CACNA2D3: variants seen among roughly 807,000 people sequenced by gnomAD.
The protein encoded by CACNA2D3 is calcium voltage-gated channel auxiliary subunit alpha2delta 3.
Under a neutral mutation model 160.6 loss-of-function variants are expected in CACNA2D3, and 60 were observed. The observed-to-expected ratio is 0.37, with a 90% CI of 0.30 to 0.46. The LOEUF (loss-of-function observed/expected upper bound fraction) is 0.46, where lower values mean the gene tolerates loss of function less well. Among genes scored for constraint, CACNA2D3 ranks in the 20% least tolerant of loss-of-function variants. CACNA2D3 has a pLI of 1.00. For missense variants in CACNA2D3, 1,205 were observed against 1,365.0 expected (o/e 0.88, Z 1.85); for synonymous variants, 558 against 492.9 (o/e 1.13, Z -1.75).
At chr3:54,855,547 AAGAAAGAG>A (rs772719554) in intron 17 of CACNA2D3, among the ~76,000 whole-genome samples, 13 of 152,190 alleles carry the variant, frequency 8.5e-5, no homozygotes, top group Non-Finnish European at 1.8e-4. Context: ...TCTGCCAGGA[AAGAAAGAG>A]AGAAAGAAGA....
At chr3:54,131,084 A>C (rs1436647504) in intron 2 of CACNA2D3, among the ~76,000 whole-genome samples, 1 of 152,272 alleles carries the variant, frequency 6.6e-6, no homozygotes, top group Non-Finnish European at 1.5e-5. Context: ...TGTTGTTGTC[A>C]TTCCTAGTTG....
rs1017855610 is a variant in CACNA2D3, at chr3:54,682,388, A to T, written c.1167+40147A>T. Among the ~76,000 whole-genome samples the T allele has an allele frequency of 7.2e-5, 11 of 152,172 alleles. No homozygotes were observed. The South Asian group carries it at 1.0e-3, about 14-fold the overall frequency. On this transcript the variant is annotated intron_variant, in intron 11 of 37. Coordinates refer to ENST00000474759, the MANE Select transcript of CACNA2D3 (RefSeq NM_018398.3). ...ACGCCTGTAATCCCAGCACTTTGGG[A>T]GGTCAAGGCGAGTGGATCATTTGAG... is the stretch of plus-strand genomic sequence containing the variant.
At chr3:54,960,550 T>C (rs996882313) in intron 27 of CACNA2D3, among the ~76,000 whole-genome samples, 1 of 152,214 alleles carries the variant, frequency 6.6e-6, no homozygotes, top group African/African-American at 2.4e-5. Flanking sequence ...TTTACCAAGA[T>C]TATAACAAAT....
At chr3:54,783,572 C>G (rs553803629) in intron 13 of CACNA2D3, among the ~76,000 whole-genome samples, 3 of 152,104 alleles carry the variant, frequency 2.0e-5, no homozygotes, top group East Asian at 1.9e-4. Flanking sequence ...TGCCACTGCA[C>G]TCCAGCCTGG....
chr3:54,747,263 T>C (rs1161885522), intron 11 of CACNA2D3, among the ~76,000 whole-genome samples: 1 of 152,080 alleles, frequency 6.6e-6, no homozygotes, highest in Non-Finnish European at 1.5e-5. Flanking sequence ...GACTCCACCT[T>C]CAACATGTGA....
intron 11 of CACNA2D3, among the ~76,000 whole-genome samples, chr3:54,721,049 T>G (rs1052563802): frequency 6.7e-6 from 1 of 150,162 alleles, no homozygotes; most frequent in Non-Finnish European, 1.5e-5. Context: ...TGTCATCTAT[T>G]AGCTTGTTAG....
At chr3:54,193,989 A>C (rs367800993) in intron 2 of CACNA2D3, among the ~76,000 whole-genome samples, 2 of 152,196 alleles carry the variant, frequency 1.3e-5, no homozygotes, top group East Asian at 3.9e-4. Flanking sequence ...CAAATGTTGC[A>C]TGTTCTCAGT....
intron 11 of CACNA2D3, among the ~76,000 whole-genome samples, chr3:54,686,232 T>C (rs2106923083): frequency 6.6e-6 from 1 of 152,298 alleles, no homozygotes; most frequent in Non-Finnish European, 1.5e-5. Flanking sequence ...TGTGGCTGCT[T>C]TTTCACTATG....
At chr3:54,299,434 A>C (rs147612150) in intron 2 of CACNA2D3, among the ~76,000 whole-genome samples, 426 of 152,308 alleles carry the variant, frequency 2.8e-3, no homozygotes, top group African/African-American at 9.9e-3. Context: ...AAACATTTTC[A>C]AAGTTAATTT....
At chr3:54,803,003 T>C (rs1454253114) in intron 13 of CACNA2D3, among the ~76,000 whole-genome samples, 1 of 152,158 alleles carries the variant, frequency 6.6e-6, no homozygotes, top group Non-Finnish European at 1.5e-5. Context: ...GAGGGTCCTG[T>C]CTGGTAGAAG....
intron 13 of CACNA2D3, among the ~76,000 whole-genome samples, chr3:54,786,288 A>G (rs1444101252): frequency 6.6e-6 from 1 of 152,226 alleles, no homozygotes; most frequent in African/African-American, 2.4e-5. Context: ...CTCTGTTCCC[A>G]GTACCTAACA....
chr3:54,386,712 TAG>T lies in CACNA2D3; in HGVS notation c.322-2_322-1del. On this transcript the variant is annotated splice_acceptor_variant, in intron 3 of 37. Coordinates refer to ENST00000474759, the MANE Select transcript of CACNA2D3 (RefSeq NM_018398.3). LOFTEE classifies it high-confidence loss of function. ...GTCTTCTGTTTTTTTTTTTTTTTTT[TAG>T]CGTCTGGTGGAGGCTGCAGAAGAAG... The T allele has an allele frequency of 1.3e-6, 2 of 1,540,300 alleles. No individual in the cohort carries two copies. Among genetic ancestry groups the T allele is most frequent in the Admixed American group, 2.0e-5 (1 of 49,484 alleles).
intron 14 of CACNA2D3, among the ~76,000 whole-genome samples, chr3:54,834,105 T>C (rs535309506): frequency 6.6e-6 from 1 of 152,378 alleles, no homozygotes; most frequent in African/African-American, 2.4e-5. Context: ...AAGTTGATAC[T>C]ATATTCTGGC....
chr3:54,794,347 A>G, intron 13 of CACNA2D3, among the ~76,000 whole-genome samples: 1 of 152,086 alleles, frequency 6.6e-6, no homozygotes, highest in East Asian at 1.9e-4. Context: ...CCCCTTTCAC[A>G]CTATACGCTA....
At chr3:55,023,541 A>G (rs1316312973) in intron 35 of CACNA2D3, among the ~76,000 whole-genome samples, 1 of 152,088 alleles carries the variant, frequency 6.6e-6, no homozygotes, top group Non-Finnish European at 1.5e-5. Context: ...AGGAGTATCA[A>G]TCCTCTTTTT....
chr3:54,303,818 G>GTTTTTTGTTTTTTGTTTT (rs59534343), intron 2 of CACNA2D3, among the ~76,000 whole-genome samples: 1 of 115,006 alleles, frequency 8.7e-6, no homozygotes. Flanking sequence ...CTTTTTTTCT[G>GTTTTTTGTTTTTTGTTTT]TTTTTTTTTT....
At chr3:54,469,710 A>G (rs1433120438) in intron 4 of CACNA2D3, among the ~76,000 whole-genome samples, 5 of 152,082 alleles carry the variant, frequency 3.3e-5, no homozygotes, top group African/African-American at 7.2e-5. Context: ...TGCTAACTAG[A>G]CTAACCAGTT....
At chr3:54,136,022 C>T (rs1326143612) in intron 2 of CACNA2D3, among the ~76,000 whole-genome samples, 1 of 152,242 alleles carries the variant, frequency 6.6e-6, no homozygotes, top group Non-Finnish European at 1.5e-5. Context: ...TGTCTGCTCC[C>T]TGTCCCATGC....
intron 11 of CACNA2D3, 96 bp downstream of exon 11, chr3:54,642,337 A>C (rs968293206): frequency 1.6e-6 from 1 of 607,412 alleles, no homozygotes; most frequent in Middle Eastern, 2.7e-4. Context: ...ATGTAGACTT[A>C]ATCTCATAAT....
Sources: allele counts gnomAD v4.1 joint callset (sites outside exome capture counted in the v4.1 genomes callset), GRCh38; gene constraint gnomAD v4.1.1; transcripts MANE v1.5; gene names NCBI Gene and HGNC (gene_info 2026-07-23, HGNC 2026-07-21).